Variants in CTNNA2 observed in about 807,000 individuals in gnomAD.
The protein encoded by CTNNA2 is catenin alpha-2.
CTNNA2 carries 42 observed loss-of-function variants against 101.0 expected under a neutral mutation model. The ratio of observed to expected loss-of-function variants is 0.42; its 90% CI spans 0.32 to 0.54. The LOEUF is 0.54. Among genes scored for constraint, CTNNA2 ranks in the 20% least tolerant of loss-of-function variants. The pLI is 0.14. For missense variants in CTNNA2, 871 were observed against 1,223.1 expected, an observed-to-expected ratio of 0.71 and a Z score of 4.29; for synonymous variants, 450 against 456.4, an observed-to-expected ratio of 0.99 and a Z score of 0.18.
At chr2:79,898,870 G>T (rs950626188) in intron 6 of CTNNA2, among the ~76,000 whole-genome samples, 1 of 152,134 alleles carries the variant, frequency 6.6e-6, no homozygotes, top group African/African-American at 2.4e-5. Context: ...GCAGGTGATA[G>T]TAGAGAGTAG....
chr2:80,467,597 T>A (rs939636736), intron 9 of CTNNA2, among the ~76,000 whole-genome samples: 2 of 152,226 alleles, frequency 1.3e-5, no homozygotes, highest in African/African-American at 4.8e-5. Context: ...AACACTACAA[T>A]GCAATGCTGA....
At chr2:79,454,653 A>G (rs1670793141) in intron 4 of CTNNA2, among the ~76,000 whole-genome samples, 1 of 152,212 alleles carries the variant, frequency 6.6e-6, no homozygotes, top group Non-Finnish European at 1.5e-5. Context: ...CAGATGAAAA[A>G]TAAATTTTTT....
chr2:80,221,029 C>T (rs1708542283), intron 7 of CTNNA2, among the ~76,000 whole-genome samples: 1 of 152,022 alleles, frequency 6.6e-6, no homozygotes, highest in Admixed American at 6.6e-5. Context: ...TTACAGGCAC[C>T]CGCCAAGCAT....
chr2:79,978,453 A>G (rs1419314001), intron 7 of CTNNA2, among the ~76,000 whole-genome samples: 1 of 152,136 alleles, frequency 6.6e-6, no homozygotes, highest in African/African-American at 2.4e-5. Flanking sequence ...GGCCACGGGT[A>G]CCATATAATA....
intron 7 of CTNNA2, among the ~76,000 whole-genome samples, chr2:80,390,344 A>G (rs1353344648): frequency 6.6e-6 from 1 of 152,202 alleles, no homozygotes; most frequent in Non-Finnish European, 1.5e-5. Context: ...CCCCTGTATC[A>G]GGAGCTCTTT....
chr2:80,644,183 A>G (rs1673803350), intron 18 of CTNNA2, among the ~76,000 whole-genome samples: 1 of 152,096 alleles, frequency 6.6e-6, no homozygotes, highest in African/African-American at 2.4e-5. Context: ...AGGGACAACA[A>G]CTTACGTTAC....
intron 7 of CTNNA2, among the ~76,000 whole-genome samples, chr2:80,040,032 T>C (rs923732843): frequency 1.3e-5 from 2 of 152,230 alleles, no homozygotes; most frequent in African/African-American, 2.4e-5. Context: ...TATCTAGATA[T>C]GGAAAGCTTG....
At chr2:79,781,977 A>C (rs1674478835) in intron 3 of CTNNA2, among the ~76,000 whole-genome samples, 1 of 151,768 alleles carries the variant, frequency 6.6e-6, no homozygotes, top group African/African-American at 2.4e-5. Context: ...CTAGCTCACT[A>C]AATCCTTTTC....
At chr2:80,136,370 G>T (rs550394906) in intron 7 of CTNNA2, among the ~76,000 whole-genome samples, 3 of 152,264 alleles carry the variant, frequency 2.0e-5, no homozygotes, top group African/African-American at 7.2e-5. Context: ...TTGGCAGGAA[G>T]GTCTTGTGAT....
At chr2:80,067,749 C>T (rs1349278966) in intron 7 of CTNNA2, among the ~76,000 whole-genome samples, 1 of 152,138 alleles carries the variant, frequency 6.6e-6, no homozygotes, top group Non-Finnish European at 1.5e-5. Context: ...TCTTCTGGAT[C>T]CCTCACTCTG....
At chr2:80,567,465 C>T (rs867153256) in intron 12 of CTNNA2, among the ~76,000 whole-genome samples, 18 of 152,134 alleles carry the variant, frequency 1.2e-4, no homozygotes, top group African/African-American at 1.4e-4. Flanking sequence ...AGATGCCAGT[C>T]AGAGTCCCCT....
intron 2 of CTNNA2, among the ~76,000 whole-genome samples, chr2:79,682,990 C>A (rs1511179): frequency 2.6e-5 from 4 of 152,098 alleles, no homozygotes; most frequent in Non-Finnish European, 4.4e-5. Flanking sequence ...TATTAAAACA[C>A]GAGTATTAGA....
chr2:80,035,831 G>A (rs758641298), intron 7 of CTNNA2, among the ~76,000 whole-genome samples: 4 of 152,118 alleles, frequency 2.6e-5, no homozygotes, highest in Non-Finnish European at 4.4e-5. Context: ...ACAACATCTG[G>A]CAATCAATTT....
At chr2:79,501,165 TA>T (rs1671315004) in intron 4 of CTNNA2, among the ~76,000 whole-genome samples, 1 of 152,218 alleles carries the variant, frequency 6.6e-6, no homozygotes, top group Non-Finnish European at 1.5e-5. Context: ...ACAGTTTGAA[TA>T]TAATGATGAC....
intron 7 of CTNNA2, among the ~76,000 whole-genome samples, chr2:80,383,006 T>C (rs767117232): frequency 6.6e-6 from 1 of 152,194 alleles, no homozygotes; most frequent in Non-Finnish European, 1.5e-5. Context: ...AAAGATGAAA[T>C]GGCATTTTTT....
At chr2:79,801,637 T>TA (rs1676166929) in intron 3 of CTNNA2, among the ~76,000 whole-genome samples, 1 of 152,094 alleles carries the variant, frequency 6.6e-6, no homozygotes, top group Admixed American at 6.6e-5. Context: ...AATACAAAAT[T>TA]AGAGTGGATC....
chr2:80,310,541 G>C (rs906404052), intron 7 of CTNNA2, among the ~76,000 whole-genome samples: 5 of 152,190 alleles, frequency 3.3e-5, no homozygotes, highest in Non-Finnish European at 4.4e-5. Flanking sequence ...TACAATTTTG[G>C]AAGAGTCAAG....
rs138569384 is a variant in CTNNA2, at chr2:79,554,811, A to G, written c.-6+41604A>G. 6.6e-4 allele frequency among the ~76,000 whole-genome samples: 101 copies of G among 152,300 alleles called. 1 individual carries two copies. The highest frequency in any genetic ancestry group is 1.3e-3 in the Non-Finnish European group (86 of 68,020). ...AAATGAGGAGAATGGTGATACTTCC[A>G]TGGTCATAGTTTTCTTATGTTTGTT... On this transcript the variant is annotated intron_variant, in intron 1 of 18. Transcript: ENST00000402739.
intron 7 of CTNNA2, among the ~76,000 whole-genome samples, chr2:80,042,257 G>A (rs1015295659): frequency 4.6e-5 from 7 of 152,170 alleles, no homozygotes; most frequent in South Asian, 2.1e-4. Flanking sequence ...GAGCCACTGC[G>A]TTTGACCTAG....
Sources: allele counts gnomAD v4.1 joint callset (sites outside exome capture counted in the v4.1 genomes callset), GRCh38; gene constraint gnomAD v4.1.1; transcripts MANE v1.5; gene names NCBI Gene and HGNC (gene_info 2026-07-23, HGNC 2026-07-21).